Variants in TMEM181 observed in about 807,000 individuals in gnomAD.
The protein encoded by TMEM181 is transmembrane protein 181, also known as G protein-coupled receptor 178.
TMEM181 carries 39 observed loss-of-function variants against 71.9 expected under a neutral mutation model. The ratio of observed to expected loss-of-function variants is 0.54; its 90% CI spans 0.42 to 0.71. The LOEUF is 0.71. TMEM181 is among the 30% of genes least tolerant of loss of function. The pLI is 0.00. For synonymous variants in TMEM181, 245 were observed against 228.8 expected (o/e 1.07, Z -0.64); for missense variants, 595 against 583.0 (o/e 1.02, Z -0.21).
chr6:158,553,235 C>G (rs1327028545), intron 1 of TMEM181, among the ~76,000 whole-genome samples: 2 of 151,576 alleles, frequency 1.3e-5, no homozygotes, highest in Admixed American at 6.6e-5. Context: ...TAATGAATAT[C>G]TGTTGTTTAA....
intron 1 of TMEM181, among the ~76,000 whole-genome samples, chr6:158,552,328 T>C (rs1781746102): frequency 6.6e-6 from 1 of 152,232 alleles, no homozygotes; most frequent in Non-Finnish European, 1.5e-5. Flanking sequence ...ATCTTGGAAG[T>C]TGAACCTGAT....
intron 13 of TMEM181, among the ~76,000 whole-genome samples, chr6:158,627,107 T>TCA (rs55880518): frequency 0.64 from 93,261 of 145,604 alleles, 30,264 homozygotes; most frequent in African/African-American, 0.77. Flanking sequence ...GTTTTCACCC[T>TCA]CTCTCACACC....
intron 6 of TMEM181, among the ~76,000 whole-genome samples, chr6:158,600,023 C>A (rs1039898057): frequency 6.6e-6 from 1 of 152,200 alleles, no homozygotes; most frequent in East Asian, 1.9e-4. Context: ...GAAGGCGCCG[C>A]GTGCCTCCTG....
intron 10 of TMEM181, among the ~76,000 whole-genome samples, chr6:158,622,275 C>T (rs1311720211): frequency 6.6e-6 from 1 of 151,814 alleles, no homozygotes; most frequent in Non-Finnish European, 1.5e-5. Context: ...CGTGCTCTCT[C>T]TTTTTCAAAA....
chr6:158,537,666 C>G (rs930309395), intron 1 of TMEM181, among the ~76,000 whole-genome samples: 2 of 152,222 alleles, frequency 1.3e-5, no homozygotes, highest in African/African-American at 2.4e-5. Flanking sequence ...CCCTCACCCC[C>G]CCACCTCAAC....
intron 10 of TMEM181, 95 bp from the exon 11 acceptor site, chr6:158,623,455 A>G (rs1170388353): frequency 3.7e-6 from 3 of 808,924 alleles, no homozygotes; most frequent in East Asian, 2.9e-5. Context: ...GTTTATATTA[A>G]TAAGTAAAAA....
At chr6:158,590,693 A>G (rs1297997365) in intron 6 of TMEM181, among the ~76,000 whole-genome samples, 5 of 151,594 alleles carry the variant, frequency 3.3e-5, no homozygotes, top group Middle Eastern at 6.8e-3. Context: ...TGATCTCCTG[A>G]CCTGGTGATC....
Position 158,585,400 on chromosome 6 carries a change from G to A in TMEM181, c.356G>A (p.Arg119Gln), listed in dbSNP as rs765779991. The A allele has an allele frequency of 4.3e-6, 7 of 1,610,304 alleles. No homozygotes were observed. The highest frequency in any genetic ancestry group is 4.0e-5 in the African/African-American group (3 of 74,784). The change falls in exon 5 of 17, where the codon CGG (arginine) becomes CAG (glutamine). Residue 119 changes from arginine to glutamine, a missense_variant. Transcript: ENST00000684151. ...TACATTCATAACAAAGTTCACAACC[G>A]GACAAGGACCCTCACATGTGCAGGG... ...TMYIHNKVHN[R>Q]TRTLTCAGKC...
At position 158,599,071 on chromosome 6, in the gene TMEM181, C is replaced by T. The variant is rs555932178; in HGVS notation, c.493-6196C>T. ...AGGTCGCTGTGACACGTCCCTCCCGCGGTCTGTTTCTGTGGTTGTCCATTC... is the reference window on the plus strand; with the variant it reads ...AGGTCGCTGTGACACGTCCCTCCCGTGGTCTGTTTCTGTGGTTGTCCATTC... On this transcript the variant is annotated intron_variant, in intron 6 of 16. Transcript: ENST00000684151. Among the ~76,000 whole-genome samples the T allele has an allele frequency of 9.2e-5, 14 of 152,316 alleles. No individual in the cohort carries two copies. In the East Asian group the frequency reaches 1.5e-3, roughly 17 times the overall value.
intron 13 of TMEM181, chr6:158,626,556 C>T (rs1182809833): frequency 4.4e-6 from 2 of 456,160 alleles, no homozygotes; most frequent in Admixed American, 2.4e-5. Flanking sequence ...TTGTGGAGGG[C>T]GAGGACTGAG....
chr6:158,570,393 TGG>T, intron 1 of TMEM181, among the ~76,000 whole-genome samples: 1 of 151,590 alleles, frequency 6.6e-6, no homozygotes, highest in Non-Finnish European at 1.5e-5. Context: ...CCACAAAGCC[TGG>T]CTAATTTTTT....
chr6:158,585,500 C>A, intron 5 of TMEM181, 75 bp downstream of exon 5: 1 of 1,340,092 alleles, frequency 7.5e-7, no homozygotes, highest in Non-Finnish European at 9.7e-7. Flanking sequence ...ACTTTCCAGT[C>A]TAAAAGATAG....
At chr6:158,543,283 G>C (rs1781418013) in intron 1 of TMEM181, among the ~76,000 whole-genome samples, 2 of 152,150 alleles carry the variant, frequency 1.3e-5, no homozygotes, top group Admixed American at 1.3e-4. Flanking sequence ...TGTTCTTCCT[G>C]GTCATCATCC....
Position 158,607,274 on chromosome 6 carries a change from T to C in TMEM181, c.604T>C (p.Ser202Pro). The change falls in exon 8 of 17, where the codon TCC becomes CCC. Residue 202 changes from serine (S) to proline (P), a missense_variant. Transcript: ENST00000684151. ...GTTTGCGCATTCCCTCCGGAAATTT[T>C]CCATGAGAGACTGGGGCATCGAGCA... ...CLFAHSLRKF[S>P]MRDWGIEQKW... 6.2e-7 allele frequency: 1 copy of C among 1,614,216 alleles called. No homozygotes were observed. The highest frequency in any genetic ancestry group is 8.5e-7 in the Non-Finnish European group (1 of 1,180,052).
intron 1 of TMEM181, among the ~76,000 whole-genome samples, chr6:158,571,299 G>T (rs1032600995): frequency 3.3e-5 from 5 of 149,500 alleles, no homozygotes; most frequent in South Asian, 2.1e-4. Flanking sequence ...GGGTTTCACC[G>T]TGTTAGCAGG....
intron 12 of TMEM181, 137 bp downstream of exon 12, chr6:158,625,343 A>AC: frequency 1.3e-6 from 1 of 750,078 alleles, no homozygotes; most frequent in Non-Finnish European, 2.2e-6. Flanking sequence ...GCTGGGGACC[A>AC]GGGCACGTGG....
At chr6:158,570,233 CTT>C (rs542922209) in intron 1 of TMEM181, among the ~76,000 whole-genome samples, 31 of 136,652 alleles carry the variant, frequency 2.3e-4, no homozygotes, top group Admixed American at 3.0e-4. Flanking sequence ...TTTCCGTACA[CTT>C]TTTTTTTTTT....
intron 6 of TMEM181, among the ~76,000 whole-genome samples, chr6:158,597,429 G>A (rs532227311): frequency 1.1e-4 from 16 of 152,254 alleles, no homozygotes; most frequent in Non-Finnish European, 2.2e-4. Flanking sequence ...ATGGTACCTT[G>A]TTGCTGTATC....
At chr6:158,558,185 A>G (rs769681607), upstream of TMEM181, among the ~76,000 whole-genome samples, 4 of 152,166 alleles carry the variant, frequency 2.6e-5, no homozygotes, top group Non-Finnish European at 4.4e-5. Context: ...CTCGCTGGAG[A>G]TGCCTCAGGA....
Sources: allele counts gnomAD v4.1 joint callset (sites outside exome capture counted in the v4.1 genomes callset), GRCh38; gene constraint gnomAD v4.1.1; transcripts MANE v1.5; gene names NCBI Gene and HGNC (gene_info 2026-07-23, HGNC 2026-07-21).